Variants in RSRC1 observed in about 807,000 individuals in gnomAD.
RSRC1 encodes serine/Arginine-related protein 53.
Under a neutral mutation model 49.1 loss-of-function variants are expected in RSRC1, and 39 were observed. The observed-to-expected ratio is 0.79, with a 90% CI of 0.61 to 1.04. The LOEUF (loss-of-function observed/expected upper bound fraction) is 1.04, where lower values mean the gene tolerates loss of function less well. Ranked by LOEUF, RSRC1 falls within the 50% of genes least tolerant of loss-of-function variation. The probability of loss-of-function intolerance (pLI) is 0.00; values close to 1 mark genes in which losing one functional copy is unlikely to be tolerated. For missense variants in RSRC1, 388 were observed against 402.4 expected (o/e 0.96, Z 0.31); for synonymous variants, 143 against 130.8 (o/e 1.09, Z -0.63).
chr3:158,300,762 ATTTAC>A (rs1049312521), intron 5 of RSRC1, among the ~76,000 whole-genome samples: 2 of 152,292 alleles, frequency 1.3e-5, no homozygotes, highest in Admixed American at 6.5e-5. Flanking sequence ...TTAAAAAATT[ATTTAC>A]TTAGATTATC....
chr3:158,194,923 G>A (rs1285294562), intron 3 of RSRC1, among the ~76,000 whole-genome samples: 1 of 152,098 alleles, frequency 6.6e-6, no homozygotes, highest in African/African-American at 2.4e-5. Flanking sequence ...TAGGTTCCAA[G>A]TCTTTGCTAT....
At chr3:158,332,220 C>T (rs949973662) in intron 5 of RSRC1, among the ~76,000 whole-genome samples, 1 of 152,086 alleles carries the variant, frequency 6.6e-6, no homozygotes, top group Admixed American at 6.5e-5. Context: ...ACTTTTTAAT[C>T]ATAACTAACA....
intron 5 of RSRC1, among the ~76,000 whole-genome samples, chr3:158,331,678 A>G (rs1441030868): frequency 6.6e-6 from 1 of 152,088 alleles, no homozygotes; most frequent in Non-Finnish European, 1.5e-5. Flanking sequence ...AGTATTTCAT[A>G]TAGTTTAATC....
chr3:158,293,312 G>T (rs1008129533), intron 4 of RSRC1, among the ~76,000 whole-genome samples: 34 of 151,906 alleles, frequency 2.2e-4, no homozygotes, highest in Non-Finnish European at 3.5e-4. Flanking sequence ...ACGTACATAT[G>T]TATGTATGTA....
chr3:158,198,295 C>CA (rs1720773113), intron 3 of RSRC1, among the ~76,000 whole-genome samples: 1 of 152,054 alleles, frequency 6.6e-6, no homozygotes, highest in Non-Finnish European at 1.5e-5. Flanking sequence ...TCTGTTTTAT[C>CA]AGAGACTAGG....
chr3:158,499,242 T>A (rs1739484656), intron 7 of RSRC1, among the ~76,000 whole-genome samples: 1 of 152,086 alleles, frequency 6.6e-6, no homozygotes. Flanking sequence ...CCAGGCGTGG[T>A]GGCACGCGCC....
intron 6 of RSRC1, among the ~76,000 whole-genome samples, chr3:158,413,838 G>A (rs1409703411): frequency 1.3e-5 from 2 of 152,100 alleles, no homozygotes; most frequent in Non-Finnish European, 2.9e-5. Context: ...AGAAACAACA[G>A]GTGTTAGTGA....
intron 4 of RSRC1, chr3:158,275,989 T>C: frequency 1.2e-6 from 1 of 800,594 alleles, no homozygotes; most frequent in Non-Finnish European, 2.1e-6. Flanking sequence ...GGTGTCAGGA[T>C]TTCTTCTGAT....
At chr3:158,314,167 C>T (rs138835980) in intron 5 of RSRC1, among the ~76,000 whole-genome samples, 12 of 152,128 alleles carry the variant, frequency 7.9e-5, no homozygotes, top group Admixed American at 2.0e-4. Context: ...CTCAGCTCAC[C>T]GCAATCTCTG....
At chr3:158,514,728 C>G (rs916516609) in intron 7 of RSRC1, among the ~76,000 whole-genome samples, 2 of 151,922 alleles carry the variant, frequency 1.3e-5, no homozygotes, top group Admixed American at 6.6e-5. Context: ...GTTAAAGTCT[C>G]CCATTATTAA....
chr3:158,276,773 A>G (rs986862794), intron 4 of RSRC1, among the ~76,000 whole-genome samples: 11 of 152,168 alleles, frequency 7.2e-5, no homozygotes, highest in South Asian at 2.1e-4. Flanking sequence ...ATTTTGTTGC[A>G]TGTTATTTCT....
chr3:158,217,801 T>C (rs1031590240), intron 4 of RSRC1, among the ~76,000 whole-genome samples: 2 of 151,040 alleles, frequency 1.3e-5, no homozygotes, highest in Admixed American at 6.6e-5. Flanking sequence ...CACATAAATA[T>C]CATTTTTAGT....
At chr3:158,330,926 A>T (rs1246291985) in intron 5 of RSRC1, among the ~76,000 whole-genome samples, 2 of 151,274 alleles carry the variant, frequency 1.3e-5, no homozygotes, top group East Asian at 3.9e-4. Context: ...TCACAGCTCC[A>T]TGTGGCTGGG....
At chr3:158,362,408 G>A (rs933489771) in intron 6 of RSRC1, among the ~76,000 whole-genome samples, 1 of 152,172 alleles carries the variant, frequency 6.6e-6, no homozygotes, top group Non-Finnish European at 1.5e-5. Flanking sequence ...ACCTATAGTA[G>A]TACTACATCA....
At position 158,257,905 on chromosome 3, in the gene RSRC1, C is replaced by T. The variant is rs567592141; in HGVS notation, c.495-40134C>T. On this transcript the variant is annotated intron_variant, in intron 4 of 9. Coordinates refer to ENST00000611884, the MANE Select transcript of RSRC1 (RefSeq NM_001271838.2). ...TCGATTGCATAAACAAAGAAACAAG[C>T]AAAGTGAAAACTAATACAAACTCTA... 2.6e-5 allele frequency among the ~76,000 whole-genome samples: 4 copies of T among 152,198 alleles called. No individual in the cohort carries two copies. In the South Asian group the frequency reaches 8.3e-4, roughly 32 times the overall value.
intron 3 of RSRC1, among the ~76,000 whole-genome samples, chr3:158,140,977 G>T (rs544195534): frequency 1.3e-4 from 20 of 152,284 alleles, no homozygotes; most frequent in African/African-American, 4.3e-4. Context: ...GAGAGCTGTA[G>T]TATCACGGAG....
At chr3:158,187,171 C>G (rs1719979287) in intron 3 of RSRC1, among the ~76,000 whole-genome samples, 1 of 151,834 alleles carries the variant, frequency 6.6e-6, no homozygotes, top group Non-Finnish European at 1.5e-5. Context: ...TGTCCCCCAA[C>G]AGGAGAAAAA....
chr3:158,445,341 C>G (rs1489336330), intron 6 of RSRC1, among the ~76,000 whole-genome samples: 21 of 152,130 alleles, frequency 1.4e-4, no homozygotes, highest in Non-Finnish European at 1.5e-5. Context: ...AGGGTGAGTT[C>G]ATGTCCTTTG....
chr3:158,473,146 C>T (rs1224669313), intron 7 of RSRC1, among the ~76,000 whole-genome samples: 1 of 152,128 alleles, frequency 6.6e-6, no homozygotes, highest in Non-Finnish European at 1.5e-5. Context: ...CCATATGACC[C>T]AGCTATCCCA....
Sources: gnomAD v4.1 joint callset for allele counts (sites outside exome capture counted in the v4.1 genomes callset) on GRCh38, gnomAD v4.1.1 for gene constraint, MANE v1.5 for transcripts, NCBI Gene and HGNC (gene_info 2026-07-23, HGNC 2026-07-21) for gene names.